Variants in NOX4 observed in about 807,000 individuals in gnomAD.
The protein encoded by NOX4 is NADPH oxidase 4.
Under a neutral mutation model 87.6 loss-of-function variants are expected in NOX4, and 69 were observed. That is an observed-to-expected ratio of 0.79 (90% CI 0.65 to 0.96). The LOEUF (loss-of-function observed/expected upper bound fraction) is 0.96, where lower values mean the gene tolerates loss of function less well. NOX4 is among the 40% of genes least tolerant of loss of function. NOX4 has a pLI of 0.00. For synonymous variants in NOX4, 275 were observed against 238.2 expected (o/e 1.15, Z -1.42); for missense variants, 680 against 681.5 (o/e 1.00, Z 0.02).
the NOX4 span, among the ~76,000 whole-genome samples, chr11:89,523,863 A>G: frequency 6.6e-6 from 1 of 152,234 alleles, no homozygotes; most frequent in African/African-American, 2.4e-5. Context: ...TGGATAAAAG[A>G]AAGTAGACAC....
At chr11:89,519,101 C>T in the NOX4 span, among the ~76,000 whole-genome samples, 3 of 151,878 alleles carry the variant, frequency 2.0e-5, no homozygotes, top group Non-Finnish European at 4.4e-5. Flanking sequence ...GTAAAGTCTT[C>T]AATTACATTA....
intron 7 of NOX4, among the ~76,000 whole-genome samples, chr11:89,426,577 C>T (rs1322894102): frequency 6.6e-6 from 1 of 152,158 alleles, no homozygotes; most frequent in Non-Finnish European, 1.5e-5. Context: ...GAGATTATAT[C>T]CCACGCATGT....
the NOX4 span, among the ~76,000 whole-genome samples, chr11:89,510,122 T>TA: frequency 6.6e-6 from 1 of 152,076 alleles, no homozygotes; most frequent in Non-Finnish European, 1.5e-5. Context: ...ATGCACCTGT[T>TA]AGACATCTAG....
At chr11:89,537,437 A>G in the NOX4 span, among the ~76,000 whole-genome samples, 1 of 151,642 alleles carries the variant, frequency 6.6e-6, no homozygotes, top group Admixed American at 6.6e-5. Context: ...ATGTATAGTT[A>G]TACATAAGTA....
At chr11:89,561,015 T>TATATATATATATACAC in the NOX4 span, among the ~76,000 whole-genome samples, 3 of 80,532 alleles carry the variant, frequency 3.7e-5, no homozygotes, top group African/African-American at 1.8e-4. Flanking sequence ...TATATATATA[T>TATATATATATATACAC]ATATACATAC....
chr11:89,344,184 A>T (rs1303489945), intron 13 of NOX4, among the ~76,000 whole-genome samples: 1 of 151,708 alleles, frequency 6.6e-6, no homozygotes. Context: ...TAATGTTCAT[A>T]TAAGTGTAAA....
chr11:89,507,755 G>C, the NOX4 span, among the ~76,000 whole-genome samples: 1 of 151,662 alleles, frequency 6.6e-6, no homozygotes. Flanking sequence ...CTAGTAGTTT[G>C]CACATGGTAA....
intron 8 of NOX4, among the ~76,000 whole-genome samples, chr11:89,420,941 G>T (rs1230578990): frequency 6.6e-6 from 1 of 152,096 alleles, no homozygotes; most frequent in African/African-American, 2.4e-5. Flanking sequence ...TCCCTTGAGG[G>T]GACCTATGCT....
chr11:89,405,777 T>A (rs1305897841), intron 8 of NOX4, among the ~76,000 whole-genome samples: 20 of 148,990 alleles, frequency 1.3e-4, no homozygotes, highest in Non-Finnish European at 2.7e-4. Flanking sequence ...ACTTGCATGG[T>A]AAAGATTAGT....
At chr11:89,427,763 G>A (rs755617609) in intron 7 of NOX4, among the ~76,000 whole-genome samples, 6 of 152,146 alleles carry the variant, frequency 3.9e-5, no homozygotes, top group South Asian at 2.1e-4. Context: ...TGAAAGTGAC[G>A]GCGAGAATGG....
the NOX4 span, among the ~76,000 whole-genome samples, chr11:89,534,961 C>T: frequency 1.3e-5 from 2 of 152,108 alleles, no homozygotes; most frequent in Admixed American, 1.3e-4. Context: ...ACTTTTTTCC[C>T]GCAATTTTAA....
At chr11:89,543,525 G>A in the NOX4 span, among the ~76,000 whole-genome samples, 4 of 152,016 alleles carry the variant, frequency 2.6e-5, no homozygotes, top group African/African-American at 9.7e-5. Context: ...AAACAAAAAA[G>A]CAATATATAT....
chr11:89,544,716 G>T, the NOX4 span, among the ~76,000 whole-genome samples: 1 of 152,148 alleles, frequency 6.6e-6, no homozygotes, highest in Non-Finnish European at 1.5e-5. Flanking sequence ...TTTGTAGTAA[G>T]GTCATGCTGG....
intron 2 of NOX4, among the ~76,000 whole-genome samples, 174 bp from the exon 3 acceptor site, chr11:89,452,069 C>A (rs1372773636): frequency 6.6e-6 from 1 of 152,166 alleles, no homozygotes; most frequent in South Asian, 2.1e-4. Context: ...CCCCTTTGAA[C>A]GACTTCTTTC....
chr11:89,361,988 G>A (rs1215091013), intron 12 of NOX4, among the ~76,000 whole-genome samples: 1 of 151,978 alleles, frequency 6.6e-6, no homozygotes, highest in African/African-American at 2.4e-5. Context: ...AACAAGGCAA[G>A]GATATTTCAG....
rs1941738171 is a variant in NOX4 at position 89,400,089 on chromosome 11, A to G, written c.1012-10T>C. The G allele has an allele frequency of 6.3e-7, 1 of 1,599,244 alleles. No homozygotes were observed. Among genetic ancestry groups the G allele is most frequent in the East Asian group, 2.2e-5 (1 of 44,606 alleles). ...AATGTAGAGTAATATACTAAAAAGCAACAAACAGATAAGTTTTAAATGACC... is the reference window on the plus strand; with the variant it reads ...AATGTAGAGTAATATACTAAAAAGCGACAAACAGATAAGTTTTAAATGACC... On this transcript the variant is annotated splice_polypyrimidine_tract_variant and intron_variant, in intron 10 of 17. Transcript: ENST00000263317.
intron 2 of NOX4, among the ~76,000 whole-genome samples, chr11:89,462,240 T>C (rs1565323115): frequency 6.6e-6 from 1 of 152,050 alleles, no homozygotes; most frequent in Non-Finnish European, 1.5e-5. Context: ...AAGTAGATAA[T>C]TAATACACCA....
At chr11:89,500,748 A>T (rs1458679915), upstream of NOX4, among the ~76,000 whole-genome samples, 1 of 152,196 alleles carries the variant, frequency 6.6e-6, no homozygotes, top group Non-Finnish European at 1.5e-5. Flanking sequence ...ATAAGATATT[A>T]AAAATTTAGA....
intron 2 of NOX4, among the ~76,000 whole-genome samples, chr11:89,475,748 A>C (rs1212239885): frequency 3.3e-5 from 5 of 152,052 alleles, no homozygotes; most frequent in South Asian, 4.1e-4. Flanking sequence ...GCAATCTAAG[A>C]AATAAGAGGG....
Sources: allele counts gnomAD v4.1 joint callset (sites outside exome capture counted in the v4.1 genomes callset), GRCh38; gene constraint gnomAD v4.1.1; transcripts MANE v1.5; gene names NCBI Gene and HGNC (gene_info 2026-07-23, HGNC 2026-07-21).